The following KLF12 variants were observed in gnomAD, a reference collection of about 807,000 sequenced individuals.
The protein encoded by KLF12 is KLF transcription factor 12.
Under a neutral mutation model 37.8 loss-of-function variants are expected in KLF12, and 9 were observed. The observed-to-expected ratio is 0.24, with a 90% CI of 0.14 to 0.42. The LOEUF is 0.42. KLF12 is among the 10% of genes least tolerant of loss of function. The pLI is 1.00. For synonymous variants in KLF12, 208 were observed against 202.1 expected, an observed-to-expected ratio of 1.03 and a Z score of -0.25; for missense variants, 411 against 516.0, an observed-to-expected ratio of 0.80 and a Z score of 1.97.
At chr13:74,110,831 G>A (rs917145078) in intron 1 of KLF12, among the ~76,000 whole-genome samples, 1 of 152,134 alleles carries the variant, frequency 6.6e-6, no homozygotes, top group African/African-American at 2.4e-5. Context: ...AATAGGATAT[G>A]AGTACTACAT....
At position 73,688,628 on chromosome 13, in the gene KLF12, G is replaced by A. The variant is rs1368696490; in HGVS notation, c.*6862C>T. 1 of 152,140 alleles carries A rather than the reference G, an allele frequency of 6.6e-6. No homozygotes were observed. The highest frequency in any genetic ancestry group is 2.4e-5 in the African/African-American group (1 of 41,428). The allele number at this position is 152,140 out of a possible 1,614,324, so 9.4% of individuals were successfully genotyped here. A position where few individuals can be genotyped will look rare whatever the true frequency, so the allele number is the denominator to read the frequency against. ...CATTTATGAGAAAAGTGACAAGTTC[G>A]GGGAGACAACTGGTTGCTATTGTTT... On this transcript the variant is annotated 3_prime_UTR_variant, in exon 8 of 8. Coordinates refer to ENST00000377669, the MANE Select transcript of KLF12 (RefSeq NM_007249.5).
the KLF12 span, among the ~76,000 whole-genome samples, chr13:74,264,116 C>T: frequency 4.3e-4 from 66 of 152,246 alleles, no homozygotes; most frequent in African/African-American, 1.1e-3. Context: ...AATGACAAAA[C>T]GGTTAACTTT....
the KLF12 span, among the ~76,000 whole-genome samples, chr13:74,201,357 C>CGTAGG: frequency 7.2e-3 from 1,101 of 152,294 alleles, 11 homozygotes; most frequent in African/African-American, 0.023. Flanking sequence ...TCAGAATGTG[C>CGTAGG]CTACGTAGGT....
the KLF12 span, among the ~76,000 whole-genome samples, chr13:74,240,064 T>C: frequency 2.0e-5 from 3 of 152,154 alleles, no homozygotes; most frequent in African/African-American, 7.2e-5. Context: ...TTTGGCACGA[T>C]TTTGCAGCGG....
At chr13:73,715,059 GCTT>G (rs1027242950) in intron 7 of KLF12, among the ~76,000 whole-genome samples, 4 of 152,136 alleles carry the variant, frequency 2.6e-5, no homozygotes, top group African/African-American at 7.2e-5. Context: ...ATTGTGTTCA[GCTT>G]CTTCTTTGAT....
In KLF12 at chr13:74,066,174, T is replaced by G. The variant is rs980431001; in HGVS notation, c.-32+67565A>C. On this transcript the variant is annotated intron_variant, in intron 1 of 7. Coordinates refer to ENST00000377669, the MANE Select transcript of KLF12 (RefSeq NM_007249.5). ...AAGACAAGACTATGAAGAGGAAATATGGAACCCAACATCTGTGGGTTTCAG... is the reference window on the plus strand; with the variant it reads ...AAGACAAGACTATGAAGAGGAAATAGGGAACCCAACATCTGTGGGTTTCAG... 1.3e-5 allele frequency among the ~76,000 whole-genome samples: 2 copies of G among 152,120 alleles called. 1 individual carries two copies. Among genetic ancestry groups the G allele is most frequent in the Non-Finnish European group, 2.9e-5 (2 of 68,022 alleles).
intron 3 of KLF12, among the ~76,000 whole-genome samples, chr13:73,857,334 T>C (rs1885660778): frequency 6.6e-6 from 1 of 152,162 alleles, no homozygotes; most frequent in Non-Finnish European, 1.5e-5. Context: ...GTTAGATGAC[T>C]TAAAAAGGGG....
At chr13:74,188,933 G>A in the KLF12 span, among the ~76,000 whole-genome samples, 2 of 152,106 alleles carry the variant, frequency 1.3e-5, no homozygotes, top group African/African-American at 4.8e-5. Context: ...GGAGATGGAG[G>A]TTGCAGTGAG....
intron 1 of KLF12, among the ~76,000 whole-genome samples, chr13:74,086,105 T>C (rs1368842580): frequency 6.6e-6 from 1 of 151,774 alleles, no homozygotes; most frequent in Non-Finnish European, 1.5e-5. Flanking sequence ...ACTAAAGGAA[T>C]CACTAATTTT....
At chr13:74,212,578 G>T in the KLF12 span, among the ~76,000 whole-genome samples, 2 of 152,130 alleles carry the variant, frequency 1.3e-5, no homozygotes, top group Non-Finnish European at 2.9e-5. Context: ...ATGAAATCAA[G>T]TAGGGCCCAG....
intron 1 of KLF12, among the ~76,000 whole-genome samples, chr13:74,057,445 C>G (rs1476451061): frequency 6.6e-6 from 1 of 152,214 alleles, no homozygotes; most frequent in Admixed American, 6.5e-5. Context: ...GTACTACACT[C>G]TGAGAAGACA....
chr13:74,205,495 G>A, the KLF12 span, among the ~76,000 whole-genome samples: 1 of 152,100 alleles, frequency 6.6e-6, no homozygotes, highest in African/African-American at 2.4e-5. Flanking sequence ...TCCTACTCAA[G>A]TGTATTGAGT....
intron 4 of KLF12, among the ~76,000 whole-genome samples, chr13:73,838,040 A>C (rs1195246281): frequency 6.6e-6 from 1 of 152,202 alleles, no homozygotes; most frequent in Admixed American, 6.6e-5. Context: ...CCTGAAACAA[A>C]GACACCAACA....
At chr13:73,737,222 A>C (rs1877524574) in intron 6 of KLF12, among the ~76,000 whole-genome samples, 1 of 152,208 alleles carries the variant, frequency 6.6e-6, no homozygotes, top group Non-Finnish European at 1.5e-5. Context: ...AATTCTATTA[A>C]TTTTATATTT....
chr13:73,802,035 T>G (rs1243405707), intron 5 of KLF12: 1 of 152,112 alleles, frequency 6.6e-6, no homozygotes, highest in Non-Finnish European at 1.5e-5. Flanking sequence ...AGTTGTTAGG[T>G]AGGCTTAAAA....
intron 1 of KLF12, among the ~76,000 whole-genome samples, chr13:74,049,178 C>G (rs561418055): frequency 6.6e-6 from 1 of 152,244 alleles, no homozygotes; most frequent in Non-Finnish European, 1.5e-5. Flanking sequence ...AGGGCCTCCA[C>G]TGAGAGACTC....
the KLF12 span, among the ~76,000 whole-genome samples, chr13:74,157,864 C>T: frequency 1.3e-5 from 2 of 152,200 alleles, no homozygotes; most frequent in Admixed American, 6.5e-5. Context: ...CTGCTGCTCC[C>T]ATGGCATTCA....
chr13:74,244,725 A>G, the KLF12 span, among the ~76,000 whole-genome samples: 1 of 152,194 alleles, frequency 6.6e-6, no homozygotes, highest in Non-Finnish European at 1.5e-5. Flanking sequence ...TTGGATTCTA[A>G]TGTGTATTGT....
intron 5 of KLF12, among the ~76,000 whole-genome samples, chr13:73,808,000 T>C (rs939930808): frequency 6.6e-6 from 1 of 152,158 alleles, no homozygotes; most frequent in Non-Finnish European, 1.5e-5. Context: ...GTGCAAAAAT[T>C]AGAGGCTTTA....
Sources: gnomAD v4.1 joint callset for allele counts (sites outside exome capture counted in the v4.1 genomes callset) on GRCh38, gnomAD v4.1.1 for gene constraint, MANE v1.5 for transcripts, NCBI Gene and HGNC (gene_info 2026-07-23, HGNC 2026-07-21) for gene names.